Variants in SPRR2F observed in about 807,000 individuals in gnomAD.
SPRR2F encodes the protein small proline rich protein 2F, also known as small proline-rich protein 2F.
In SPRR2F, 2 loss-of-function variants were observed where a neutral mutation model predicts 0.8. The observed-to-expected ratio is 2.52, with a 90% CI of 1.03 to 7.95. The LOEUF (loss-of-function observed/expected upper bound fraction) is 7.95. SPRR2F is among the 30% of genes most tolerant of loss of function. The probability of loss-of-function intolerance (pLI) is 0.04; values close to 1 mark genes in which losing one functional copy is unlikely to be tolerated. For missense variants in SPRR2F, 80 were observed against 85.8 expected, an observed-to-expected ratio of 0.93 and a Z score of 0.27; for synonymous variants, 39 against 33.4, an observed-to-expected ratio of 1.17 and a Z score of -0.58.
upstream of SPRR2F, among the ~76,000 whole-genome samples, chr1:153,117,459 A>G (rs1160727240): frequency 6.6e-6 from 1 of 152,062 alleles, no homozygotes; most frequent in African/African-American, 2.4e-5. Context: ...TCTCTAATCT[A>G]GTTTACTATT....
chr1:153,119,168 A>C, the SPRR2F span, among the ~76,000 whole-genome samples: 1 of 152,236 alleles, frequency 6.6e-6, no homozygotes, highest in African/African-American at 2.4e-5. Flanking sequence ...AAATCAAGCA[A>C]TCATGGAAGA....
chr1:153,112,932 C>T (rs1655634922), intron 1 of SPRR2F, among the ~76,000 whole-genome samples, 180 bp from the exon 2 acceptor site: 1 of 152,136 alleles, frequency 6.6e-6, no homozygotes, highest in Non-Finnish European at 1.5e-5. Context: ...CTTCATTGTC[C>T]CTGGGAACTC....
At chr1:153,118,293 C>G (rs1655758190), upstream of SPRR2F, among the ~76,000 whole-genome samples, 1 of 152,008 alleles carries the variant, frequency 6.6e-6, no homozygotes. Flanking sequence ...TGATAAGTAA[C>G]AGAAGGCCGT....
At chr1:153,116,503 G>A (rs2101633069), upstream of SPRR2F, among the ~76,000 whole-genome samples, 1 of 152,242 alleles carries the variant, frequency 6.6e-6, no homozygotes, top group Non-Finnish European at 1.5e-5. Context: ...TCTGTCCATA[G>A]CTCAATTAGT....
chr1:153,118,348 A>T (rs1002085525), upstream of SPRR2F, among the ~76,000 whole-genome samples: 2 of 152,154 alleles, frequency 1.3e-5, no homozygotes, highest in African/African-American at 4.8e-5. Flanking sequence ...TGACTTCAGT[A>T]AAAGATAAAT....
At chr1:153,119,288 A>G in the SPRR2F span, among the ~76,000 whole-genome samples, 1 of 152,224 alleles carries the variant, frequency 6.6e-6, no homozygotes, top group African/African-American at 2.4e-5. Context: ...ATCAACAAAC[A>G]GAGATTGGTG....
At chr1:153,117,472 T>C (rs1445308184), upstream of SPRR2F, among the ~76,000 whole-genome samples, 3 of 152,190 alleles carry the variant, frequency 2.0e-5, no homozygotes, top group African/African-American at 7.2e-5. Flanking sequence ...TTACTATTAC[T>C]ATGATTAGCT....
rs373489441 is a variant in SPRR2F at position 153,112,479 on chromosome 1, C to G, written c.*36G>C. 65 of 1,594,502 alleles carry G rather than the reference C, an allele frequency of 4.1e-5. No individual in the cohort carries two copies. The African/African-American group carries it at 8.0e-4, about 20-fold the overall frequency. Reference sequence around the variant, plus strand: ...TGTGGAACGAGGTGAGCCAATTATCCTTATCCTTTCATGCTCCTGATGAAT... The same window carrying G: ...TGTGGAACGAGGTGAGCCAATTATCGTTATCCTTTCATGCTCCTGATGAAT... On this transcript the variant is annotated 3_prime_UTR_variant, in exon 2 of 2. Transcript: ENST00000468739.
chr1:153,119,404 G>C, the SPRR2F span, among the ~76,000 whole-genome samples: 1 of 152,164 alleles, frequency 6.6e-6, no homozygotes, highest in Non-Finnish European at 1.5e-5. Flanking sequence ...GAAAGACCAC[G>C]GGGTAAAAGG....
chr1:153,115,620 C>G (rs1272681622), upstream of SPRR2F, among the ~76,000 whole-genome samples: 1 of 152,150 alleles, frequency 6.6e-6, no homozygotes, highest in Admixed American at 6.5e-5. Flanking sequence ...GGGCAGCTAA[C>G]AGTCACAGCT....
chr1:153,117,630 T>A (rs1340815764), upstream of SPRR2F, among the ~76,000 whole-genome samples: 1 of 152,106 alleles, frequency 6.6e-6, no homozygotes, highest in Non-Finnish European at 1.5e-5. Context: ...AAATTCTAGT[T>A]CTATTTTCTC....
At chr1:153,118,115 G>T (rs1009501155), upstream of SPRR2F, among the ~76,000 whole-genome samples, 2 of 152,032 alleles carry the variant, frequency 1.3e-5, no homozygotes, top group Admixed American at 6.6e-5. Flanking sequence ...GTTTATAGTA[G>T]CTTTATTCAT....
At chr1:153,116,756 A>C (rs911017979), upstream of SPRR2F, among the ~76,000 whole-genome samples, 2 of 152,154 alleles carry the variant, frequency 1.3e-5, no homozygotes, top group African/African-American at 4.8e-5. Flanking sequence ...TTGAGAGATC[A>C]TACCAGGGTA....
chr1:153,119,282 A>G, the SPRR2F span, among the ~76,000 whole-genome samples: 1 of 152,200 alleles, frequency 6.6e-6, no homozygotes, highest in Non-Finnish European at 1.5e-5. Flanking sequence ...TTTCTAATCA[A>G]CAAACAGAGA....
At chr1:153,114,211 C>T (rs569927234), upstream of SPRR2F, among the ~76,000 whole-genome samples, 6 of 151,934 alleles carry the variant, frequency 3.9e-5, no homozygotes, top group East Asian at 1.2e-3. Flanking sequence ...TACGATTTTC[C>T]TTTCCTCTTT....
Position 153,112,381 on chromosome 1 carries a change from C to A in SPRR2F, c.*134G>T. ...TTTGCTATCAGAGATCATCACAGGC[C>A]GATCACAGGCTAAGAGGAAAGAAGC... On this transcript the variant is annotated 3_prime_UTR_variant, in exon 2 of 2. Transcript: ENST00000468739. 1 of 1,455,496 alleles carries A rather than the reference C, an allele frequency of 6.9e-7. No individual in the cohort carries two copies. Among genetic ancestry groups the A allele is most frequent in the Non-Finnish European group, 9.3e-7 (1 of 1,080,402 alleles). 90.2% of individuals were successfully genotyped at this position (1,455,496 alleles called of 1,614,324 possible). A position where few individuals can be genotyped will look rare whatever the true frequency, so the allele number is the denominator to read the frequency against.
rs1655613415 is a variant in SPRR2F at position 153,112,504 on chromosome 1, T to A, written c.*11A>T. ...CTTATCCTTTCATGCTCCTGATGAATCCTGAAGCTGTTACTTGCTCTTGGG... is the reference window on the plus strand; with the variant it reads ...CTTATCCTTTCATGCTCCTGATGAAACCTGAAGCTGTTACTTGCTCTTGGG... On this transcript the variant is annotated 3_prime_UTR_variant, in exon 2 of 2. Coordinates refer to ENST00000468739, the MANE Select transcript of SPRR2F (RefSeq NM_001014450.3). The A allele has an allele frequency of 6.2e-7, 1 of 1,609,316 alleles. No homozygotes were observed. Among genetic ancestry groups the A allele is most frequent in the African/African-American group, 1.3e-5 (1 of 74,854 alleles).
chr1:153,112,846 A>T, intron 1 of SPRR2F, 94 bp from the exon 2 acceptor site: 15 of 1,540,648 alleles, frequency 9.7e-6, no homozygotes, highest in Non-Finnish European at 1.3e-5. Context: ...TATTTCTCCA[A>T]TCTCCAAGAA....
chr1:153,117,660 G>A (rs895939676), upstream of SPRR2F, among the ~76,000 whole-genome samples: 43 of 152,004 alleles, frequency 2.8e-4, no homozygotes, highest in African/African-American at 1.0e-3. Context: ...GATCAGACTA[G>A]TTAAAAGAAT....
Sources: allele counts gnomAD v4.1 joint callset (sites outside exome capture counted in the v4.1 genomes callset), GRCh38; gene constraint gnomAD v4.1.1; transcripts MANE v1.5; gene names NCBI Gene and HGNC (gene_info 2026-07-23, HGNC 2026-07-21).